Variants in KLHL1 observed in about 807,000 individuals in gnomAD.
KLHL1 encodes kelch like family member 1, also known as kelch-like protein 1.
A neutral mutation model predicts 77.7 loss-of-function variants in KLHL1; 47 were observed. That is an observed-to-expected ratio of 0.60 (90% CI 0.48 to 0.77). The LOEUF is 0.77. Among genes scored for constraint, KLHL1 ranks in the 30% least tolerant of loss-of-function variants. The probability of loss-of-function intolerance (pLI) is 0.00; values close to 1 mark genes in which losing one functional copy is unlikely to be tolerated. For synonymous variants in KLHL1, 360 were observed against 325.2 expected, an observed-to-expected ratio of 1.11 and a Z score of -1.15; for missense variants, 925 against 910.8, an observed-to-expected ratio of 1.02 and a Z score of -0.20.
At chr13:69,751,124 G>C (rs955410194) in intron 7 of KLHL1, among the ~76,000 whole-genome samples, 1 of 151,364 alleles carries the variant, frequency 6.6e-6, no homozygotes, top group Non-Finnish European at 1.5e-5. Flanking sequence ...GTGTGTGTGT[G>C]TGTGTGTGTG....
At chr13:69,802,411 A>G (rs1428960159) in intron 6 of KLHL1, among the ~76,000 whole-genome samples, 1 of 152,068 alleles carries the variant, frequency 6.6e-6, no homozygotes, top group African/African-American at 2.4e-5. Context: ...TGAGATTCTC[A>G]AAGTATGGGG....
At chr13:70,078,720 A>G (rs1001757844) in intron 1 of KLHL1, among the ~76,000 whole-genome samples, 26 of 152,216 alleles carry the variant, frequency 1.7e-4, no homozygotes, top group African/African-American at 5.8e-4. Flanking sequence ...TTTCAATACC[A>G]TCACACTATT....
intron 1 of KLHL1, among the ~76,000 whole-genome samples, chr13:69,995,470 C>G (rs139954984): frequency 0.01 from 1,524 of 152,142 alleles, 57 homozygotes; most frequent in Admixed American, 0.083. Flanking sequence ...TGCTCTCTCT[C>G]CAAGTTATTT....
intron 7 of KLHL1, among the ~76,000 whole-genome samples, chr13:69,743,078 G>A (rs746036094): frequency 2.0e-5 from 3 of 152,260 alleles, no homozygotes; most frequent in South Asian, 2.1e-4. Context: ...TTTAGAATAC[G>A]TTGTGTGCCT....
chr13:70,060,404 C>T (rs766642765), intron 1 of KLHL1, among the ~76,000 whole-genome samples: 2 of 152,044 alleles, frequency 1.3e-5, no homozygotes, highest in Non-Finnish European at 2.9e-5. Context: ...TCTAGCAATC[C>T]CACTGCCAGA....
At chr13:69,786,578 T>A (rs1478313811) in intron 7 of KLHL1, among the ~76,000 whole-genome samples, 2 of 152,290 alleles carry the variant, frequency 1.3e-5, no homozygotes, top group Non-Finnish European at 2.9e-5. Context: ...TTGGAAGCAT[T>A]CCGTTTGAAA....
At chr13:70,004,530 G>C (rs1368122414) in intron 1 of KLHL1, among the ~76,000 whole-genome samples, 2 of 151,520 alleles carry the variant, frequency 1.3e-5, no homozygotes, top group Admixed American at 1.3e-4. Context: ...CCCCTGACTA[G>C]TCCACGTTTC....
rs906787308 is a variant in KLHL1, at chr13:69,828,395, C to A, written c.1414+10581G>T. On this transcript the variant is annotated intron_variant, in intron 6 of 10. Transcript: ENST00000377844. ...ATGAGCCCTGTAGGCACTCTCAGTA[C>A]CCAGAGAAACCATTTCTAACTTTAT... Among the ~76,000 whole-genome samples the A allele has an allele frequency of 1.2e-4, 18 of 149,992 alleles. 1 individual carries two copies. The highest frequency in any genetic ancestry group is 4.5e-4 in the African/African-American group (18 of 39,898).
chr13:69,783,617 G>T (rs1392213901), intron 7 of KLHL1, among the ~76,000 whole-genome samples: 1 of 148,920 alleles, frequency 6.7e-6, no homozygotes, highest in Non-Finnish European at 1.5e-5. Flanking sequence ...CAGAAGGGAA[G>T]TTTAGAGAAA....
intron 1 of KLHL1, among the ~76,000 whole-genome samples, chr13:70,055,516 C>T (rs191256189): frequency 1.2e-3 from 179 of 151,976 alleles, no homozygotes; most frequent in African/African-American, 4.0e-3. Context: ...CAGACAAATA[C>T]AAAATATTGT....
chr13:69,959,609 A>G lies in KLHL1; in HGVS notation c.817+1699T>C, dbSNP rs556514742. On this transcript the variant is annotated intron_variant, in intron 3 of 10. Transcript: ENST00000377844. ...TTTTTCTCTAATCCTTTGAGATGTT[A>G]AGTCTTTTTAAAAACCTCTTGCTAG... is the stretch of plus-strand genomic sequence containing the variant. 5.3e-5 allele frequency among the ~76,000 whole-genome samples: 8 copies of G among 150,452 alleles called. No homozygotes were observed. In the East Asian group the frequency reaches 9.8e-4, roughly 18 times the overall value.
intron 5 of KLHL1, among the ~76,000 whole-genome samples, chr13:69,856,720 A>AT (rs1879934792): frequency 6.6e-6 from 1 of 152,040 alleles, no homozygotes; most frequent in South Asian, 2.1e-4. Context: ...AAACTTCTGT[A>AT]TTTTTTGTCC....
intron 8 of KLHL1, among the ~76,000 whole-genome samples, chr13:69,727,192 A>T (rs1160745474): frequency 1.3e-5 from 2 of 152,180 alleles, no homozygotes; most frequent in African/African-American, 2.4e-5. Flanking sequence ...TTTGGTTTTA[A>T]GCAAAAGCAG....
At chr13:69,727,323 A>T (rs1322835650) in intron 8 of KLHL1, among the ~76,000 whole-genome samples, 1 of 152,178 alleles carries the variant, frequency 6.6e-6, no homozygotes, top group Non-Finnish European at 1.5e-5. Context: ...GGGTTTGTTT[A>T]TCAATCTAGA....
intron 7 of KLHL1, among the ~76,000 whole-genome samples, chr13:69,780,345 T>TA (rs1473460407): frequency 6.6e-6 from 1 of 152,252 alleles, no homozygotes; most frequent in East Asian, 1.9e-4. Context: ...TGTGAAAACT[T>TA]ACAAAACTTT....
At chr13:69,714,679 A>C (rs56347846) in intron 9 of KLHL1, among the ~76,000 whole-genome samples, 2 of 151,460 alleles carry the variant, frequency 1.3e-5, no homozygotes, top group Non-Finnish European at 2.9e-5. Context: ...TGCAGCCTCA[A>C]CCTCCCCAGG....
At chr13:69,787,566 A>C (rs1342929985) in intron 7 of KLHL1, among the ~76,000 whole-genome samples, 4 of 152,222 alleles carry the variant, frequency 2.6e-5, no homozygotes, top group African/African-American at 4.8e-5. Context: ...CCTAGAAGGA[A>C]ACCTAGGCAG....
intron 2 of KLHL1, among the ~76,000 whole-genome samples, chr13:69,965,811 C>A (rs1229822656): frequency 6.6e-6 from 1 of 152,200 alleles, no homozygotes; most frequent in Non-Finnish European, 1.5e-5. Flanking sequence ...GTGGTCTGGG[C>A]AGAAGATGAA....
chr13:69,876,001 G>T (rs909114862), intron 5 of KLHL1, among the ~76,000 whole-genome samples: 7 of 152,122 alleles, frequency 4.6e-5, no homozygotes, highest in Admixed American at 2.0e-4. Context: ...TTAATGGATT[G>T]TGTTAGTGGG....
Sources: gnomAD v4.1 joint callset for allele counts (sites outside exome capture counted in the v4.1 genomes callset) on GRCh38, gnomAD v4.1.1 for gene constraint, MANE v1.5 for transcripts, NCBI Gene and HGNC (gene_info 2026-07-23, HGNC 2026-07-21) for gene names.